The following SLC35F3 variants were observed in gnomAD, a reference collection of about 807,000 sequenced individuals.
The protein encoded by SLC35F3 is solute carrier family 35 member F3.
In SLC35F3, 25 loss-of-function variants were observed where a neutral mutation model predicts 49.9. The observed-to-expected ratio is 0.50, with a 90% CI of 0.37 to 0.70. SLC35F3 has a LOEUF of 0.70. SLC35F3 is among the 30% of genes least tolerant of loss of function. The pLI, the probability that SLC35F3 is intolerant of heterozygous loss-of-function variation, is 0.00. For synonymous variants in SLC35F3, 275 were observed against 265.4 expected (o/e 1.04, Z -0.35); for missense variants, 525 against 639.8 (o/e 0.82, Z 1.94).
At chr1:234,263,623 C>G (rs1667937531) in intron 3 of SLC35F3, among the ~76,000 whole-genome samples, 1 of 152,198 alleles carries the variant, frequency 6.6e-6, no homozygotes, top group Non-Finnish European at 1.5e-5. Flanking sequence ...AACAGAAACT[C>G]TGGGGATGAG....
At chr1:234,263,367 T>C (rs1326277073) in intron 3 of SLC35F3, among the ~76,000 whole-genome samples, 1 of 152,206 alleles carries the variant, frequency 6.6e-6, no homozygotes, top group African/African-American at 2.4e-5. Flanking sequence ...TTTTAACTCT[T>C]ATTAAAATTA....
intron 2 of SLC35F3, among the ~76,000 whole-genome samples, chr1:234,028,014 A>T (rs887102588): frequency 1.3e-5 from 2 of 152,188 alleles, no homozygotes; most frequent in African/African-American, 4.8e-5. Flanking sequence ...GAATTAAGTT[A>T]ATAAATTCGG....
chr1:234,291,011 C>T lies in SLC35F3; in HGVS notation c.609-18090C>T, dbSNP rs564527473. Among the ~76,000 whole-genome samples, 25 of 152,244 alleles carry T rather than the reference C, an allele frequency of 1.6e-4. 1 individual carries two copies. Among genetic ancestry groups the T allele is most frequent in the African/African-American group, 4.8e-4 (20 of 41,540 alleles). ...ATATGACCTTAAACTTCAGATTCACCGTTAAAGAATAGGCTCTTCACTGGA... is the reference window on the plus strand; with the variant it reads ...ATATGACCTTAAACTTCAGATTCACTGTTAAAGAATAGGCTCTTCACTGGA... On this transcript the variant is annotated intron_variant, in intron 3 of 7. Transcript: ENST00000366618.
intron 3 of SLC35F3, among the ~76,000 whole-genome samples, chr1:234,293,176 G>C (rs1446128068): frequency 6.6e-6 from 1 of 152,202 alleles, no homozygotes; most frequent in Non-Finnish European, 1.5e-5. Flanking sequence ...CTCACAGCTA[G>C]AGCTGACTGT....
At chr1:233,952,382 T>G (rs768198457) in intron 2 of SLC35F3, among the ~76,000 whole-genome samples, 6 of 152,166 alleles carry the variant, frequency 3.9e-5, no homozygotes, top group Non-Finnish European at 8.8e-5. Flanking sequence ...AAAGCTGGGG[T>G]TGAGGTGGGT....
intron 2 of SLC35F3, among the ~76,000 whole-genome samples, chr1:233,954,286 G>C (rs547206796): frequency 6.6e-6 from 1 of 152,190 alleles, no homozygotes; most frequent in East Asian, 1.9e-4. Context: ...GATTACAGGC[G>C]TGAGCCACTG....
At chr1:234,249,034 C>T (rs1667695834) in intron 3 of SLC35F3, among the ~76,000 whole-genome samples, 1 of 152,126 alleles carries the variant, frequency 6.6e-6, no homozygotes, top group Non-Finnish European at 1.5e-5. Context: ...GGGAATGCAC[C>T]CCAGGAAGCA....
chr1:234,009,933 G>C (rs1663690212), intron 2 of SLC35F3, among the ~76,000 whole-genome samples: 1 of 152,160 alleles, frequency 6.6e-6, no homozygotes, highest in Admixed American at 6.5e-5. Context: ...AAAGCCAAGA[G>C]ATTTATCACT....
intron 2 of SLC35F3, among the ~76,000 whole-genome samples, chr1:234,194,801 T>C (rs529828438): frequency 2.6e-5 from 4 of 152,120 alleles, no homozygotes; most frequent in Non-Finnish European, 5.9e-5. Context: ...CTCCAACACA[T>C]CCTGGTCTTG....
intron 2 of SLC35F3, among the ~76,000 whole-genome samples, chr1:234,193,667 G>C (rs1028853911): frequency 2.0e-5 from 3 of 152,170 alleles, no homozygotes; most frequent in Non-Finnish European, 4.4e-5. Flanking sequence ...AACCAACAGA[G>C]TGGGAGAAAA....
At chr1:234,216,756 G>A (rs763990201) in intron 2 of SLC35F3, among the ~76,000 whole-genome samples, 3 of 152,174 alleles carry the variant, frequency 2.0e-5, no homozygotes, top group Admixed American at 6.5e-5. Flanking sequence ...CTCAGTTTCC[G>A]CAAACGTAAA....
At chr1:234,067,659 GA>G (rs1231620660) in intron 2 of SLC35F3, among the ~76,000 whole-genome samples, 2 of 152,174 alleles carry the variant, frequency 1.3e-5, no homozygotes, top group Non-Finnish European at 2.9e-5. Flanking sequence ...ACGTGGCAAA[GA>G]GAGTCCCAGC....
chr1:234,177,455 G>C (rs907536906), intron 2 of SLC35F3, among the ~76,000 whole-genome samples: 2 of 152,194 alleles, frequency 1.3e-5, no homozygotes, highest in African/African-American at 4.8e-5. Context: ...CTCTCTTTGT[G>C]AGTGAGGAAG....
intron 2 of SLC35F3, among the ~76,000 whole-genome samples, chr1:234,143,171 G>A (rs192781815): frequency 6.6e-6 from 1 of 151,730 alleles, no homozygotes; most frequent in African/African-American, 2.4e-5. Context: ...CTGCAACTCT[G>A]TACCCTTTAA....
chr1:233,947,378 G>T (rs1436019757), intron 2 of SLC35F3, among the ~76,000 whole-genome samples: 1 of 152,088 alleles, frequency 6.6e-6, no homozygotes, highest in Admixed American at 6.5e-5. Context: ...AAGAGAATGT[G>T]TGAATGTGTA....
At chr1:233,912,334 C>T (rs777688413) in intron 2 of SLC35F3, among the ~76,000 whole-genome samples, 12 of 151,928 alleles carry the variant, frequency 7.9e-5, no homozygotes, top group Non-Finnish European at 1.5e-4. Context: ...AAAAATTAGA[C>T]CGGCATGGTG....
intron 2 of SLC35F3, among the ~76,000 whole-genome samples, chr1:234,037,799 C>A (rs1664165397): frequency 6.6e-6 from 1 of 152,094 alleles, no homozygotes. Flanking sequence ...GTGCAGAAGT[C>A]CTGAAACAGG....
intron 2 of SLC35F3, among the ~76,000 whole-genome samples, chr1:234,226,048 G>A (rs1202930630): frequency 6.6e-6 from 1 of 152,214 alleles, no homozygotes; most frequent in African/African-American, 2.4e-5. Flanking sequence ...ATGGGCACAA[G>A]AACTCGTTTC....
chr1:234,070,608 A>G (rs1034117800), intron 2 of SLC35F3, among the ~76,000 whole-genome samples: 3 of 152,134 alleles, frequency 2.0e-5, no homozygotes, highest in Admixed American at 1.3e-4. Context: ...TGTGTCCGCA[A>G]TTTGTTTTTA....
Sources: allele counts gnomAD v4.1 joint callset (sites outside exome capture counted in the v4.1 genomes callset), GRCh38; gene constraint gnomAD v4.1.1; transcripts MANE v1.5; gene names NCBI Gene and HGNC (gene_info 2026-07-23, HGNC 2026-07-21).